PBX1: variants seen among roughly 807,000 people sequenced by gnomAD.
The protein encoded by PBX1 is pre-B-cell leukemia transcription factor 1.
PBX1 carries 6 observed loss-of-function variants against 53.4 expected under a neutral mutation model. The ratio of observed to expected loss-of-function variants is 0.11; its 90% CI spans 0.06 to 0.22. PBX1 has a LOEUF of 0.22. Ranked by LOEUF, PBX1 falls within the 10% of genes least tolerant of loss-of-function variation. PBX1 has a pLI of 1.00. For synonymous variants in PBX1, 204 were observed against 212.3 expected (o/e 0.96, Z 0.34); for missense variants, 251 against 551.4 (o/e 0.46, Z 5.46).
intron 2 of PBX1, among the ~76,000 whole-genome samples, chr1:164,566,242 T>C (rs1289521567): frequency 2.0e-5 from 3 of 152,132 alleles, no homozygotes; most frequent in Admixed American, 1.3e-4. Flanking sequence ...GAAATTACTG[T>C]GGGGATATTT....
rs935573992 is a variant in PBX1 at position 164,664,484 on chromosome 1, A to G, written c.265+101173A>G. ...TCCCACAGTCAGGTGTGACCAAACCAAAACTGACCATACCAAAACTAGTCA... is the reference window on the plus strand; with the variant it reads ...TCCCACAGTCAGGTGTGACCAAACCGAAACTGACCATACCAAAACTAGTCA... On this transcript the variant is annotated intron_variant, in intron 2 of 8. Transcript: ENST00000420696. Among the ~76,000 whole-genome samples the G allele has an allele frequency of 7.2e-5, 11 of 152,196 alleles. 1 individual carries two copies. The highest frequency in any genetic ancestry group is 2.9e-5 in the Non-Finnish European group (2 of 68,046).
chr1:164,878,296 A>G (rs1672563845), intron 2 of PBX1, among the ~76,000 whole-genome samples: 1 of 152,206 alleles, frequency 6.6e-6, no homozygotes. Context: ...CACAGCCTCT[A>G]TTCATGGTAA....
chr1:164,651,930 G>GTGTGTGTGTGTGTGT, intron 2 of PBX1: 1 of 144,164 alleles, frequency 6.9e-6, no homozygotes, highest in East Asian at 2.1e-4. Context: ...ATGGAGGGAG[G>GTGTGTGTGTGTGTGT]GTGTGTGTGT....
At chr1:164,837,571 G>A (rs1436090460) in intron 8 of PBX1, among the ~76,000 whole-genome samples, 1 of 152,132 alleles carries the variant, frequency 6.6e-6, no homozygotes, top group Admixed American at 6.5e-5. Context: ...TTAGAAGTGT[G>A]TTTTTATTTT....
Position 164,699,509 on chromosome 1 carries a change from G to T in PBX1, c.266-92985G>T, listed in dbSNP as rs6658443. Among the ~76,000 whole-genome samples the T allele has an allele frequency of 5.8e-3, 881 of 152,150 alleles. 12 individuals carry two copies. Among genetic ancestry groups the T allele is most frequent in the African/African-American group, 0.02 (826 of 41,502 alleles). ...ACCATAATCTAATAATCACTCTACCGCATGAACAGGGTGTCACACATGTGC... is the reference window on the plus strand; with the variant it reads ...ACCATAATCTAATAATCACTCTACCTCATGAACAGGGTGTCACACATGTGC... On this transcript the variant is annotated intron_variant, in intron 2 of 8. Transcript: ENST00000420696.
At chr1:164,651,576 G>A (rs1659823290) in intron 2 of PBX1, among the ~76,000 whole-genome samples, 1 of 152,172 alleles carries the variant, frequency 6.6e-6, no homozygotes. Flanking sequence ...GAAAGTGCAG[G>A]AGAGAAGCAA....
chr1:164,735,053 T>C (rs1311386620), intron 2 of PBX1, among the ~76,000 whole-genome samples: 1 of 152,250 alleles, frequency 6.6e-6, no homozygotes, highest in Non-Finnish European at 1.5e-5. Context: ...ATTATGCAGT[T>C]ATTTACACTA....
intron 2 of PBX1, among the ~76,000 whole-genome samples, chr1:164,710,953 A>T (rs983355954): frequency 5.9e-5 from 9 of 152,352 alleles, no homozygotes; most frequent in African/African-American, 2.2e-4. Flanking sequence ...CTGGCCAGCC[A>T]GGCGTGAACC....
chr1:164,726,585 C>T (rs546119265), intron 2 of PBX1, among the ~76,000 whole-genome samples: 1 of 152,292 alleles, frequency 6.6e-6, no homozygotes, highest in East Asian at 1.9e-4. Flanking sequence ...AGCATAGCCA[C>T]TTACCACATT....
At chr1:164,584,161 C>G (rs558428532) in intron 2 of PBX1, among the ~76,000 whole-genome samples, 3 of 152,116 alleles carry the variant, frequency 2.0e-5, no homozygotes, top group African/African-American at 7.2e-5. Context: ...TCACCTAAAT[C>G]TACTTTGGAT....
chr1:164,635,709 G>A (rs531684695), intron 2 of PBX1, among the ~76,000 whole-genome samples: 2 of 152,318 alleles, frequency 1.3e-5, no homozygotes, highest in South Asian at 4.1e-4. Flanking sequence ...AGGCATGATA[G>A]ATTTTCTGTT....
intron 2 of PBX1, chr1:164,577,114 A>C (rs1654304688): frequency 6.6e-6 from 1 of 152,300 alleles, no homozygotes; most frequent in East Asian, 1.9e-4. Context: ...GCTTTATGGT[A>C]ATGAAATGAA....
chr1:164,591,541 TAGC>T (rs1223939961), intron 2 of PBX1, among the ~76,000 whole-genome samples: 1 of 152,208 alleles, frequency 6.6e-6, no homozygotes, highest in Non-Finnish European at 1.5e-5. Context: ...TTTTCAGAGT[TAGC>T]AGCAGCATTT....
intron 2 of PBX1, among the ~76,000 whole-genome samples, chr1:164,758,589 C>T (rs1557989483): frequency 1.3e-5 from 2 of 152,196 alleles, no homozygotes; most frequent in South Asian, 2.1e-4. Context: ...CTTACCCTGT[C>T]TCCGTCACAA....
intron 2 of PBX1, among the ~76,000 whole-genome samples, chr1:164,699,192 CCTCT>C (rs1444018885): frequency 3.9e-5 from 6 of 152,040 alleles, no homozygotes; most frequent in African/African-American, 1.5e-4. Context: ...GTCCAAGATC[CCTCT>C]CTATCTATCT....
At chr1:164,565,861 T>C (rs1271377416) in intron 2 of PBX1, among the ~76,000 whole-genome samples, 2 of 152,008 alleles carry the variant, frequency 1.3e-5, no homozygotes, top group Admixed American at 1.3e-4. Flanking sequence ...CTATTGTTAC[T>C]TTCAAGCCTT....
At chr1:164,830,883 G>T (rs1426900093) in intron 8 of PBX1, among the ~76,000 whole-genome samples, 1 of 152,100 alleles carries the variant, frequency 6.6e-6, no homozygotes, top group East Asian at 1.9e-4. Flanking sequence ...TATTAAATCA[G>T]ATGCTACAAT....
rs1439766751 is a variant in PBX1 at position 164,753,599 on chromosome 1, C to T, written c.266-38895C>T. On this transcript the variant is annotated intron_variant, in intron 2 of 8. Coordinates refer to ENST00000420696, the MANE Select transcript of PBX1 (RefSeq NM_002585.4). ...GAGTTTGCAAGACCACACTTGACTT[C>T]GTGCAGGTCGGCCAGACCCATTTGT... is the stretch of plus-strand genomic sequence containing the variant. Among the ~76,000 whole-genome samples the T allele has an allele frequency of 2.0e-5, 3 of 152,346 alleles. No homozygotes were observed. The East Asian group carries it at 5.8e-4, about 29-fold the overall frequency.
intron 2 of PBX1, among the ~76,000 whole-genome samples, chr1:164,872,891 G>T (rs1672415525): frequency 1.3e-5 from 2 of 152,170 alleles, no homozygotes; most frequent in Non-Finnish European, 2.9e-5. Flanking sequence ...TCCTGATTTT[G>T]TCATTTAACA....
Sources: allele counts gnomAD v4.1 joint callset (sites outside exome capture counted in the v4.1 genomes callset), GRCh38; gene constraint gnomAD v4.1.1; transcripts MANE v1.5; gene names NCBI Gene and HGNC (gene_info 2026-07-23, HGNC 2026-07-21).